The following ZNF516 variants were observed in gnomAD, a reference collection of about 807,000 sequenced individuals.
ZNF516 encodes zinc finger protein 516.
ZNF516 carries 19 observed loss-of-function variants against 79.7 expected under a neutral mutation model. The ratio of observed to expected loss-of-function variants is 0.24; its 90% CI spans 0.17 to 0.35. The LOEUF (loss-of-function observed/expected upper bound fraction) is 0.35, where lower values mean the gene tolerates loss of function less well. Among genes scored for constraint, ZNF516 ranks in the 10% least tolerant of loss-of-function variants. The probability of loss-of-function intolerance (pLI) is 1.00; values close to 1 mark genes in which losing one functional copy is unlikely to be tolerated. For synonymous variants in ZNF516, 877 were observed against 739.5 expected (o/e 1.19, Z -3.02); for missense variants, 1,678 against 1,679.5 (o/e 1.00, Z 0.02).
chr18:76,440,155 A>G (rs977901469), intron 3 of ZNF516, among the ~76,000 whole-genome samples: 12 of 152,242 alleles, frequency 7.9e-5, no homozygotes, highest in Admixed American at 2.6e-4. Context: ...TGCCTTCTAC[A>G]TCTTTGTTGA....
At chr18:76,492,762 G>C (rs946042753) in intron 1 of ZNF516, 1 of 985,480 alleles carries the variant, frequency 1.0e-6, no homozygotes, top group African/African-American at 1.7e-5. Flanking sequence ...TGCAGGTTCC[G>C]ACCTGAATCT....
At chr18:76,479,176 G>A (rs972852849) in intron 1 of ZNF516, among the ~76,000 whole-genome samples, 2 of 152,152 alleles carry the variant, frequency 1.3e-5, no homozygotes, top group African/African-American at 4.8e-5. Flanking sequence ...GCGATCTTAA[G>A]AGTCACATGA....
rs1182489496 is a variant in ZNF516 at position 76,459,840 on chromosome 18, G to A, written c.-158+3188C>T. On this transcript the variant is annotated intron_variant, in intron 2 of 6. Transcript: ENST00000443185. The surrounding 1 kb of genome is among the most constrained non-coding windows in gnomAD (Gnocchi z 5.0). ...GGTGGCAGGCAGGCTAAGAACAGGC[G>A]ATCCGGCAGGCACAAGAAGGAACAT... 6.6e-6 allele frequency among the ~76,000 whole-genome samples: 1 copy of A among 152,144 alleles called. No individual in the cohort carries two copies. The highest frequency in any genetic ancestry group is 1.5e-5 in the Non-Finnish European group (1 of 68,022).
At chr18:76,441,110 A>G in intron 3 of ZNF516, 135 bp downstream of exon 3, 11 of 1,303,342 alleles carry the variant, frequency 8.4e-6, no homozygotes, top group Non-Finnish European at 1.1e-5. Flanking sequence ...TTACCTGAGC[A>G]TAGGCCTAGC....
intron 3 of ZNF516, among the ~76,000 whole-genome samples, chr18:76,432,566 G>A (rs564995358): frequency 6.6e-6 from 1 of 152,336 alleles, no homozygotes; most frequent in East Asian, 1.9e-4. Context: ...GTGTGCTGGA[G>A]CTCAGTGGAG....
upstream of ZNF516, chr18:76,496,408 G>GTC (rs1463241693): frequency 1.6e-6 from 2 of 1,289,672 alleles, no homozygotes; most frequent in East Asian, 5.6e-5. Context: ...CAGCGGCGGC[G>GTC]TCTCTCTCTG....
At chr18:76,377,579 G>A (rs578042278) in intron 4 of ZNF516, among the ~76,000 whole-genome samples, 7 of 152,358 alleles carry the variant, frequency 4.6e-5, no homozygotes, top group Admixed American at 2.6e-4. Flanking sequence ...CGGTGGATCT[G>A]GGGAGGCTGT....
chr18:76,384,480 C>T (rs1249617730), intron 3 of ZNF516, among the ~76,000 whole-genome samples: 2 of 134,388 alleles, frequency 1.5e-5, no homozygotes, highest in African/African-American at 2.8e-5. Flanking sequence ...ACCCGCACAC[C>T]TTTCTCCATG....
rs141919056 is a variant in ZNF516, at chr18:76,451,312, G to T, written c.-157-8101C>A. Among the ~76,000 whole-genome samples, 1 of 150,906 alleles carries T rather than the reference G, an allele frequency of 6.6e-6. No individual in the cohort carries two copies. Among genetic ancestry groups the T allele is most frequent in the Non-Finnish European group, 1.5e-5 (1 of 67,400 alleles). On this transcript the variant is annotated intron_variant, in intron 2 of 6. Transcript: ENST00000443185. This position sits in a 1 kb window ranked among gnomAD's most constrained non-coding sequence, Gnocchi z 6.0. ...TCCTCTCTGACCACCTTCCGGGGGC[G>T]GGGGGGGCACCGATGTCAGCCCGGG...
chr18:76,445,937 G>A (rs568919349), intron 2 of ZNF516, among the ~76,000 whole-genome samples: 2 of 152,374 alleles, frequency 1.3e-5, no homozygotes, highest in South Asian at 4.1e-4. Flanking sequence ...CCTGGGGTCT[G>A]CGCCCAGAGA....
chr18:76,424,453 C>T (rs992571471), intron 3 of ZNF516, among the ~76,000 whole-genome samples: 10 of 141,082 alleles, frequency 7.1e-5, no homozygotes, highest in Admixed American at 2.9e-4. Flanking sequence ...AAGGCTCCCT[C>T]GAGACACACG....
Position 76,362,230 on chromosome 18 carries a change from GGAC to G in ZNF516, c.*265_*267del, listed in dbSNP as rs869048971. The G allele has an allele frequency of 1.2e-5, 5 of 402,796 alleles. No individual in the cohort carries two copies. In the East Asian group the frequency reaches 1.8e-4, roughly 15 times the overall value. 25.0% of individuals were successfully genotyped at this position (402,796 alleles called of 1,614,324 possible). ...TTATTATAAGAAAATATGGGACTAT[GGAC>G]GATGAGCACGTAAATGCGTATATAG... is the stretch of plus-strand genomic sequence containing the variant. On this transcript the variant is annotated 3_prime_UTR_variant, in exon 7 of 7. Coordinates refer to ENST00000443185, the MANE Select transcript of ZNF516 (RefSeq NM_014643.4).
chr18:76,448,542 C>A (rs1056219839), intron 2 of ZNF516, among the ~76,000 whole-genome samples: 5 of 152,184 alleles, frequency 3.3e-5, no homozygotes, highest in Admixed American at 3.3e-4. Flanking sequence ...ACTGCAAAGC[C>A]TTGATACAAC....
intron 4 of ZNF516, among the ~76,000 whole-genome samples, chr18:76,376,220 G>A (rs535180429): frequency 8.5e-5 from 13 of 152,304 alleles, no homozygotes; most frequent in Admixed American, 2.0e-4. Flanking sequence ...CACCGGAGGC[G>A]TCCCATCTGG....
Position 76,461,999 on chromosome 18 carries a change from T to C in ZNF516, c.-158+1029A>G, listed in dbSNP as rs115747494. On this transcript the variant is annotated intron_variant, in intron 2 of 6. Transcript: ENST00000443185. Reference sequence around the variant, plus strand: ...GGGGATGATCTTGCCCAAGCCCGGATATCAAGCGTGCGGGCCCTGGCTCCC... The same window carrying C: ...GGGGATGATCTTGCCCAAGCCCGGACATCAAGCGTGCGGGCCCTGGCTCCC... Among the ~76,000 whole-genome samples the C allele has an allele frequency of 2.9e-3, 435 of 152,368 alleles. 2 individuals are homozygous for C. The highest frequency in any genetic ancestry group is 9.6e-3 in the African/African-American group (398 of 41,588).
At chr18:76,410,183 G>T (rs776424258) in intron 3 of ZNF516, among the ~76,000 whole-genome samples, 17 of 152,290 alleles carry the variant, frequency 1.1e-4, no homozygotes, top group Non-Finnish European at 2.1e-4. Flanking sequence ...AATACAGGAG[G>T]CTCCCAGCTG....
intron 3 of ZNF516, among the ~76,000 whole-genome samples, chr18:76,395,997 T>C (rs2075141281): frequency 6.6e-6 from 1 of 152,166 alleles, no homozygotes; most frequent in Non-Finnish European, 1.5e-5. Flanking sequence ...CAGAAGGTGA[T>C]CCACGTACAA....
At chr18:76,466,801 G>C (rs914128061) in intron 1 of ZNF516, among the ~76,000 whole-genome samples, 1 of 152,216 alleles carries the variant, frequency 6.6e-6, no homozygotes, top group Admixed American at 6.5e-5. Context: ...GCTGGGACAC[G>C]CACAGCTGAT....
intron 3 of ZNF516, among the ~76,000 whole-genome samples, chr18:76,410,591 CT>C (rs1215895168): frequency 2.6e-5 from 4 of 152,124 alleles, no homozygotes; most frequent in Non-Finnish European, 4.4e-5. Flanking sequence ...GTAAAATTTG[CT>C]TTTGGGGAGG....
Sources: allele counts gnomAD v4.1 joint callset (sites outside exome capture counted in the v4.1 genomes callset), GRCh38; gene constraint gnomAD v4.1.1; non-coding constraint Gnocchi (gnomAD v3.1); transcripts MANE v1.5; gene names NCBI Gene and HGNC (gene_info 2026-07-23, HGNC 2026-07-21).